The following FLYWCH1 variants were observed in gnomAD, a reference collection of about 807,000 sequenced individuals.
FLYWCH1 encodes the protein FLYWCH-type zinc finger-containing protein 1.
A neutral mutation model predicts 66.4 loss-of-function variants in FLYWCH1; 75 were observed. The ratio of observed to expected loss-of-function variants is 1.13; its 90% CI spans 0.94 to 1.37. The LOEUF (loss-of-function observed/expected upper bound fraction) is 1.37. Among genes scored for constraint, FLYWCH1 ranks in the 40% most tolerant of loss-of-function variants. FLYWCH1 has a pLI of 0.00. For synonymous variants in FLYWCH1, 595 were observed against 429.9 expected (o/e 1.38, Z -4.75); for missense variants, 1,334 against 1,001.8 (o/e 1.33, Z -4.48).
chr16:2,918,303 G>A (rs897797880), intron 2 of FLYWCH1, among the ~76,000 whole-genome samples: 4 of 151,276 alleles, frequency 2.6e-5, no homozygotes, highest in African/African-American at 4.9e-5. Flanking sequence ...GGCCGCCACC[G>A]CGCCCAGCTA....
At chr16:2,936,412 C>T (rs1181809710) in intron 6 of FLYWCH1, 1 of 456,322 alleles carries the variant, frequency 2.2e-6, no homozygotes, top group Non-Finnish European at 4.4e-6. Context: ...CAGCCCTCTC[C>T]ATCCCTCTTG....
At chr16:2,944,794 C>T (rs747710272) in intron 9 of FLYWCH1, among the ~76,000 whole-genome samples, 1 of 151,206 alleles carries the variant, frequency 6.6e-6, no homozygotes, top group Non-Finnish European at 1.5e-5. Flanking sequence ...TGCCCTCCAG[C>T]CTGGGCAACA....
At chr16:2,925,758 G>A (rs34615149) in intron 2 of FLYWCH1, among the ~76,000 whole-genome samples, 29,315 of 152,120 alleles carry the variant, frequency 0.19, 3,416 homozygotes, top group Admixed American at 0.26. Flanking sequence ...GGGGAGGTGT[G>A]GTGGGACTGG....
intron 2 of FLYWCH1, 33 bp from the exon 3 acceptor site, chr16:2,929,580 C>T: frequency 1.4e-6 from 2 of 1,396,636 alleles, no homozygotes; most frequent in East Asian, 2.5e-5. Flanking sequence ...CCAAGGGCTT[C>T]CACCACTGAC....
In FLYWCH1 at chr16:2,933,207, C is replaced by T. The variant is rs373284442; in HGVS notation, c.874C>T (p.Arg292Trp). 35 of 1,613,564 alleles carry T rather than the reference C, an allele frequency of 2.2e-5. No homozygotes were observed. The highest frequency in any genetic ancestry group is 1.6e-4 in the Middle Eastern group (1 of 6,062). The change falls in exon 5 of 10, where the codon CGG (arginine) becomes TGG (tryptophan). Residue 292 changes from arginine to tryptophan, a missense_variant. Transcript: ENST00000253928. ...FLVHESFLYK[R>W]EKAVGDKVYW... ...GGTACACGAGTCGTTCCTCTACAAG[C>T]GGGAGAAGGCTGTCGGGGACAAGGT...
intron 7 of FLYWCH1, 75 bp from the exon 8 acceptor site, chr16:2,938,109 G>C: frequency 6.9e-7 from 1 of 1,442,268 alleles, no homozygotes; most frequent in Non-Finnish European, 9.4e-7. Context: ...GCCTGGCTGG[G>C]GGATACAAAT....
At position 2,930,397 on chromosome 16, in the gene FLYWCH1, C is replaced by G. The variant is rs958701230; in HGVS notation, c.326-13C>G. On this transcript the variant is annotated splice_polypyrimidine_tract_variant and intron_variant, in intron 3 of 9. Coordinates refer to ENST00000253928, the MANE Select transcript of FLYWCH1 (RefSeq NM_001308068.2). ...GCTCTAGCTTAGCTAACCTAGCCTT[C>G]CCGTTCCCCCAGCAGCCCCTCAGTC... is the stretch of plus-strand genomic sequence containing the variant. 2.1e-6 allele frequency: 3 copies of G among 1,431,540 alleles called. No individual in the cohort carries two copies. The African/African-American group carries it at 4.4e-5, about 21-fold the overall frequency. The allele number at this position is 1,431,540 out of a possible 1,614,324, so 88.7% of individuals were successfully genotyped here.
intron 9 of FLYWCH1, among the ~76,000 whole-genome samples, chr16:2,942,477 C>T (rs1192411669): frequency 6.6e-6 from 1 of 152,102 alleles, no homozygotes; most frequent in Non-Finnish European, 1.5e-5. Context: ...CAGTATCACC[C>T]TGATATCAAA....
rs780650569 is a variant in FLYWCH1, at chr16:2,930,919, C to CA, written c.796+40dup. 3.4e-6 allele frequency: 5 copies of CA among 1,492,484 alleles called. No individual in the cohort carries two copies. The South Asian group carries it at 4.9e-5, about 15-fold the overall frequency. 92.5% of individuals were successfully genotyped at this position (1,492,484 alleles called of 1,614,324 possible). ...ACTCCCCTGCTGCGTCCACTCGGGG[C>CA]AGGGGACCCGAGGGCCCTTCCTCAG... On this transcript the variant is annotated intron_variant, in intron 4 of 9. Coordinates refer to ENST00000253928, the MANE Select transcript of FLYWCH1 (RefSeq NM_001308068.2).
Position 2,929,902 on chromosome 16 carries a change from C to T in FLYWCH1, c.217C>T (p.Pro73Ser). Reference sequence around the variant, plus strand: ...CGTCCTGTCCCTGGAGATGGCTGGCCCCGCCACCCTCGCCAGCACCTTGCA... The same window carrying T: ...CGTCCTGTCCCTGGAGATGGCTGGCTCCGCCACCCTCGCCAGCACCTTGCA... ...HCVLSLEMAG[P>S]ATLASTLQIL... Residue 73 changes from proline (P) to serine (S), a missense_variant, in exon 3 of 10, where the codon CCC becomes TCC. Transcript: ENST00000253928. 6.2e-7 allele frequency: 1 copy of T among 1,613,742 alleles called. No homozygotes were observed. The highest frequency in any genetic ancestry group is 1.1e-5 in the South Asian group (1 of 91,082).
At chr16:2,947,211 A>T (rs2071520868) in intron 9 of FLYWCH1, among the ~76,000 whole-genome samples, 1 of 152,212 alleles carries the variant, frequency 6.6e-6, no homozygotes, top group South Asian at 2.1e-4. Flanking sequence ...ATCTTAAAGA[A>T]GCCAGTCACA....
At position 2,930,573 on chromosome 16, in the gene FLYWCH1, C is replaced by G; in HGVS notation, c.489C>G (p.Gly163=). The change falls in exon 4 of 10, where the codon GGC becomes GGG. Residue 163 remains glycine, a synonymous_variant. Transcript: ENST00000253928. ...GCCGGGGCCGGGCCATCACCCGAGG[C>G]CTGCGGGCCACAGTGATGCGGGGCC... The part of the protein sequence containing the change: ...LGCRGRAITR[G]LRATVMRGHC... 1 of 1,556,276 alleles carries G rather than the reference C, an allele frequency of 6.4e-7. No individual in the cohort carries two copies.
chr16:2,931,451 C>T (rs1394185779), intron 4 of FLYWCH1, among the ~76,000 whole-genome samples: 1 of 151,686 alleles, frequency 6.6e-6, no homozygotes, highest in Non-Finnish European at 1.5e-5. Flanking sequence ...TAGTGAGACC[C>T]CATATCTACA....
At position 2,949,281 on chromosome 16, in the gene FLYWCH1, C is replaced by G. The variant is rs1476088603; in HGVS notation, c.*554C>G. The G allele has an allele frequency of 2.0e-5, 3 of 153,026 alleles. No homozygotes were observed. Among genetic ancestry groups the G allele is most frequent in the Non-Finnish European group, 4.4e-5 (3 of 68,660 alleles). 9.5% of individuals were successfully genotyped at this position (153,026 alleles called of 1,614,324 possible). On this transcript the variant is annotated 3_prime_UTR_variant, in exon 10 of 10. Transcript: ENST00000253928. ...CCGCCTGCTGCCAGGGTGTGGCCAT[C>G]CCCAGCAACCGGAGCTGGCCAAACC...
chr16:2,945,976 A>C (rs372865751), intron 9 of FLYWCH1, among the ~76,000 whole-genome samples: 5 of 151,934 alleles, frequency 3.3e-5, no homozygotes, highest in African/African-American at 4.8e-5. Flanking sequence ...CAGCCTGGGC[A>C]ACAGAGCGAG....
intron 9 of FLYWCH1, among the ~76,000 whole-genome samples, chr16:2,941,995 CAAAAAAAAA>C (rs748281347): frequency 1.5e-4 from 5 of 33,594 alleles, no homozygotes; most frequent in African/African-American, 3.8e-4. Context: ...AGACTCATCT[CAAAAAAAAA>C]AAAAAAAAAA....
chr16:2,921,486 CAGG>C (rs890762728), intron 2 of FLYWCH1, among the ~76,000 whole-genome samples: 14 of 151,920 alleles, frequency 9.2e-5, no homozygotes, highest in African/African-American at 3.4e-4. Context: ...CGCTTGATCC[CAGG>C]AGTTCAAAAC....
intron 2 of FLYWCH1, chr16:2,922,519 T>G: frequency 4.3e-6 from 1 of 234,338 alleles, no homozygotes; most frequent in Non-Finnish European, 8.4e-6. Context: ...TCTGTCCCCA[T>G]AAGTTTGACT....
chr16:2,926,620 A>G (rs953728041), intron 2 of FLYWCH1, among the ~76,000 whole-genome samples: 4 of 152,250 alleles, frequency 2.6e-5, no homozygotes, highest in Non-Finnish European at 4.4e-5. Context: ...ACAAGGCTCT[A>G]AAGAGCCCTA....
Sources: allele counts gnomAD v4.1 joint callset (sites outside exome capture counted in the v4.1 genomes callset), GRCh38; gene constraint gnomAD v4.1.1; transcripts MANE v1.5; gene names NCBI Gene and HGNC (gene_info 2026-07-23, HGNC 2026-07-21).